The following NUP155 variants were observed in gnomAD, a reference collection of about 807,000 sequenced individuals.
The protein encoded by NUP155 is nucleoporin 155, also known as nuclear pore complex protein Nup155.
In NUP155, 71 loss-of-function variants were observed where a neutral mutation model predicts 180.4. The ratio of observed to expected loss-of-function variants is 0.39; its 90% CI spans 0.33 to 0.48. The LOEUF is 0.48. NUP155 is among the 20% of genes least tolerant of loss of function. The probability of loss-of-function intolerance (pLI) is 0.91; values close to 1 mark genes in which losing one functional copy is unlikely to be tolerated. For synonymous variants in NUP155, 582 were observed against 559.5 expected (o/e 1.04, Z -0.57); for missense variants, 1,553 against 1,648.9 (o/e 0.94, Z 1.01).
chr5:37,353,495 T>C (rs865776761), intron 4 of NUP155, among the ~76,000 whole-genome samples: 11 of 151,906 alleles, frequency 7.2e-5, no homozygotes, highest in East Asian at 1.9e-4. Flanking sequence ...GGCAGGAGAA[T>C]TGCTTGAACC....
intron 32 of NUP155, among the ~76,000 whole-genome samples, chr5:37,296,435 G>A (rs1042087652): frequency 6.6e-6 from 1 of 152,002 alleles, no homozygotes; most frequent in African/African-American, 2.4e-5. Context: ...AATGGATTAA[G>A]GGCGGTGCAA....
Position 37,337,931 on chromosome 5 carries a change from T to C in NUP155, c.1247-13A>G. The C allele has an allele frequency of 1.4e-6, 2 of 1,398,176 alleles. No individual in the cohort carries two copies. Among genetic ancestry groups the C allele is most frequent in the South Asian group, 1.2e-5 (1 of 85,410 alleles). 86.6% of individuals were successfully genotyped at this position (1,398,176 alleles called of 1,614,324 possible). On this transcript the variant is annotated splice_polypyrimidine_tract_variant and intron_variant, in intron 11 of 34. Coordinates refer to ENST00000231498, the MANE Select transcript of NUP155 (RefSeq NM_153485.3). ...ATCAATAGAATACCTAAAAGTTTAA[T>C]ATACAAAATATTATTACATCATGTC... is the stretch of plus-strand genomic sequence containing the variant.
chr5:37,358,995 A>G (rs1327510006), intron 3 of NUP155, among the ~76,000 whole-genome samples: 1 of 150,458 alleles, frequency 6.6e-6, no homozygotes, highest in Non-Finnish European at 1.5e-5. Flanking sequence ...CAGCCTGGCT[A>G]GAGAACGAGA....
At chr5:37,294,592 G>C (rs537868869) in intron 32 of NUP155, 127 bp from the exon 33 acceptor site, 6 of 927,258 alleles carry the variant, frequency 6.5e-6, no homozygotes, top group Non-Finnish European at 9.9e-6. Flanking sequence ...TTTTTGGGGC[G>C]GGGGGTTTTT....
At chr5:37,322,107 G>A (rs528275666) in intron 20 of NUP155, among the ~76,000 whole-genome samples, 28 of 152,200 alleles carry the variant, frequency 1.8e-4, no homozygotes, top group African/African-American at 6.7e-4. Context: ...GCCTGCCTCA[G>A]CCTCCCAAAG....
chr5:37,365,433 C>A (rs898365002), intron 1 of NUP155, among the ~76,000 whole-genome samples: 1 of 151,526 alleles, frequency 6.6e-6, no homozygotes, highest in African/African-American at 2.4e-5. Context: ...CACCGTTGGG[C>A]GCGGTAGCTC....
In NUP155 at chr5:37,303,312, T is replaced by C; in HGVS notation, c.3265A>G (p.Arg1089Gly). The change falls in exon 28 of 35, where the codon AGA becomes GGA. Residue 1089 changes from arginine (R) to glycine (G), a missense_variant. Transcript: ENST00000231498. ...ACACGAGCAGCATTACTGAAACTTC[T>C]GTTCTTCTCGTAATACCGCCAGAGT... is the stretch of plus-strand genomic sequence containing the variant. ...DLLWRYYEKN[R>G]SFSNAARVLS... 1 of 1,614,154 alleles carries C rather than the reference T, an allele frequency of 6.2e-7. No individual in the cohort carries two copies. Among genetic ancestry groups the C allele is most frequent in the Non-Finnish European group, 8.5e-7 (1 of 1,179,994 alleles).
chr5:37,320,655 GATAA>G (rs1280581246), intron 20 of NUP155, among the ~76,000 whole-genome samples: 2 of 152,064 alleles, frequency 1.3e-5, no homozygotes, highest in Non-Finnish European at 2.9e-5. Flanking sequence ...AAACTGTAAA[GATAA>G]ATGAGTAATT....
Position 37,291,774 on chromosome 5 carries a change from C to A in NUP155, c.*126G>T. 2.4e-6 allele frequency: 2 copies of A among 819,862 alleles called. No homozygotes were observed. Among genetic ancestry groups the A allele is most frequent in the South Asian group, 1.7e-5 (1 of 58,678 alleles). 50.8% of individuals were successfully genotyped at this position (819,862 alleles called of 1,614,324 possible). On this transcript the variant is annotated 3_prime_UTR_variant, in exon 35 of 35. Coordinates refer to ENST00000231498, the MANE Select transcript of NUP155 (RefSeq NM_153485.3). ...AAAGGTACTATTTGTAGATATTAGCCACTTATTAAAAACATATTTCTATTA... is the reference window on the plus strand; with the variant it reads ...AAAGGTACTATTTGTAGATATTAGCAACTTATTAAAAACATATTTCTATTA...
intron 9 of NUP155, among the ~76,000 whole-genome samples, chr5:37,343,387 A>G (rs1210087042): frequency 2.0e-5 from 3 of 152,204 alleles, no homozygotes; most frequent in Non-Finnish European, 4.4e-5. Context: ...TATTTTCTAA[A>G]TATGCTAAAT....
Position 37,305,099 on chromosome 5 carries a change from T to C in NUP155, c.3015A>G (p.Ser1005=), listed in dbSNP as rs761503031. 106 of 1,613,816 alleles carry C rather than the reference T, an allele frequency of 6.6e-5. No homozygotes were observed. Among genetic ancestry groups the C allele is most frequent in the Non-Finnish European group, 4.0e-5 (47 of 1,180,034 alleles). Residue 1005 remains serine, a synonymous_variant, in exon 26 of 35, where the codon TCA becomes TCG. Transcript: ENST00000231498. ...VPKKPGPPVL[S]SDPNMLSNEE... ...CATTACTCAGCATATTTGGATCAGATGACAACACTGGAGGACCAGGTTTTT... is the reference window on the plus strand; with the variant it reads ...CATTACTCAGCATATTTGGATCAGACGACAACACTGGAGGACCAGGTTTTT...
chr5:37,361,343 A>C (rs1747210988), intron 3 of NUP155, among the ~76,000 whole-genome samples: 1 of 152,010 alleles, frequency 6.6e-6, no homozygotes, highest in South Asian at 2.1e-4. Context: ...ACAGCTGAAA[A>C]AAATTCTAAA....
intron 21 of NUP155, among the ~76,000 whole-genome samples, chr5:37,315,041 G>C (rs1157546708): frequency 6.6e-6 from 1 of 152,080 alleles, no homozygotes; most frequent in Admixed American, 6.6e-5. Flanking sequence ...AGACCGGCCT[G>C]GCCAAAGTGG....
intron 23 of NUP155, chr5:37,309,617 A>G (rs939395784): frequency 9.6e-6 from 2 of 208,500 alleles, no homozygotes; most frequent in African/African-American, 4.6e-5. Context: ...ACTCTAATTC[A>G]CTAAAAGATT....
rs1273845086 is a variant in NUP155 at position 37,365,736 on chromosome 5, A to AT, written c.158-1353_158-1352insA. On this transcript the variant is annotated intron_variant, in intron 1 of 34. Coordinates refer to ENST00000231498, the MANE Select transcript of NUP155 (RefSeq NM_153485.3). ...GAGAAAAAAAAAAAAAAAAAAAAAA[A>AT]AAATATATATATATATACACACACA... 1.9e-3 allele frequency among the ~76,000 whole-genome samples: 67 copies of AT among 35,684 alleles called. 6 individuals carry two copies. The highest frequency in any genetic ancestry group is 3.0e-3 in the South Asian group (2 of 660). The allele number at this position is 35,684 out of a possible 152,430, so 23.4% of individuals were successfully genotyped here.
chr5:37,306,405 TCAAAAA>T (rs949980485), intron 25 of NUP155, among the ~76,000 whole-genome samples: 12 of 152,198 alleles, frequency 7.9e-5, no homozygotes, highest in South Asian at 2.1e-4. Flanking sequence ...AAGCTTTGTC[TCAAAAA>T]CAAAAACAAA....
intron 1 of NUP155, among the ~76,000 whole-genome samples, chr5:37,365,190 CG>C (rs1747476033): frequency 1.3e-5 from 2 of 151,654 alleles, no homozygotes; most frequent in Non-Finnish European, 2.9e-5. Flanking sequence ...ACCCGGGAGG[CG>C]GAAGTTGCAG....
intron 9 of NUP155, among the ~76,000 whole-genome samples, chr5:37,343,895 G>A (rs1181383478): frequency 1.3e-5 from 2 of 151,492 alleles, no homozygotes; most frequent in Admixed American, 6.6e-5. Context: ...TATCTCAAGG[G>A]GGAAAAAAAA....
chr5:37,337,869 C>G lies in NUP155; in HGVS notation c.1296G>C (p.Trp432Cys), dbSNP rs750230861. ...ASENEDNDIL[W>C]CVNHDTFPFQ... The stretch of plus-strand genomic sequence containing the variant: ...AAGGAAAAGTATCATGGTTGACACA[C>G]CATAAAATATCATTATCCTCATTTT... The change falls in exon 12 of 35, where the codon TGG (tryptophan) becomes TGC (cysteine). Residue 432 changes from tryptophan (W) to cysteine (C), a missense_variant. Coordinates refer to ENST00000231498, the MANE Select transcript of NUP155 (RefSeq NM_153485.3). The G allele has an allele frequency of 3.7e-6, 6 of 1,612,048 alleles. No individual in the cohort carries two copies. The African/African-American group carries it at 8.0e-5, about 22-fold the overall frequency.
Sources: allele counts gnomAD v4.1 joint callset (sites outside exome capture counted in the v4.1 genomes callset), GRCh38; gene constraint gnomAD v4.1.1; transcripts MANE v1.5; gene names NCBI Gene and HGNC (gene_info 2026-07-23, HGNC 2026-07-21).